The following SYNDIG1L variants were observed in gnomAD, a reference collection of about 807,000 sequenced individuals.
The protein encoded by SYNDIG1L is synapse differentiation inducing 1 like, also known as synapse differentiation-inducing gene protein 1-like.
SYNDIG1L carries 13 observed loss-of-function variants against 20.1 expected under a neutral mutation model. The ratio of observed to expected loss-of-function variants is 0.65; its 90% confidence interval spans 0.42 to 1.03. The LOEUF is 1.03. SYNDIG1L is among the 50% of genes least tolerant of loss of function. The pLI is 0.00. For missense variants in SYNDIG1L, 294 were observed against 305.1 expected (o/e 0.96, Z 0.27); for synonymous variants, 128 against 129.3 (o/e 0.99, Z 0.07).
chr14:74,418,772 T>C (rs1400374131), intron 1 of SYNDIG1L, among the ~76,000 whole-genome samples: 1 of 152,196 alleles, frequency 6.6e-6, no homozygotes, highest in Non-Finnish European at 1.5e-5. Flanking sequence ...ATAGATGCTC[T>C]CATCGATGGA....
chr14:74,427,894 G>C (rs894660822), upstream of SYNDIG1L, among the ~76,000 whole-genome samples: 1 of 152,210 alleles, frequency 6.6e-6, no homozygotes, highest in Admixed American at 6.5e-5. Flanking sequence ...ACTTGGCCTT[G>C]GCCTCCCTCT....
At chr14:74,424,236 C>T (rs907092340) in intron 1 of SYNDIG1L, among the ~76,000 whole-genome samples, 1 of 152,218 alleles carries the variant, frequency 6.6e-6, no homozygotes, top group African/African-American at 2.4e-5. Context: ...TCTAGCCCAA[C>T]TCTCTTCTTT....
At chr14:74,426,850 C>T (rs979648038), upstream of SYNDIG1L, among the ~76,000 whole-genome samples, 62 of 151,934 alleles carry the variant, frequency 4.1e-4, no homozygotes, top group African/African-American at 1.5e-3. Context: ...GCTCATGGAC[C>T]TAAGTTTTGG....
At chr14:74,425,233 C>T (rs191464413) in intron 1 of SYNDIG1L, among the ~76,000 whole-genome samples, 18 of 152,354 alleles carry the variant, frequency 1.2e-4, no homozygotes, top group Non-Finnish European at 1.6e-4. Flanking sequence ...GGGTCACCAG[C>T]ACATAATAGA....
At chr14:74,453,219 T>C in the SYNDIG1L span, among the ~76,000 whole-genome samples, 166 of 151,696 alleles carry the variant, frequency 1.1e-3, 1 homozygote, top group South Asian at 0.012. Flanking sequence ...TGGTGGCACA[T>C]GCCTGTAATC....
rs1027963348 is a variant in SYNDIG1L, at chr14:74,417,027, T to C, written c.-57-7226A>G. ...TAATGCCACTATGTATCAGCTACCA[T>C]TATTGGGTGCTTGTTTTGTTCTGAA... is the stretch of plus-strand genomic sequence containing the variant. On this transcript the variant is annotated intron_variant, in intron 1 of 3. Transcript: ENST00000331628. Among the ~76,000 whole-genome samples the C allele has an allele frequency of 2.6e-5, 4 of 152,292 alleles. No homozygotes were observed. In the East Asian group the frequency reaches 5.8e-4, roughly 22 times the overall value.
rs2086077274 is a variant in SYNDIG1L at position 74,406,151 on chromosome 14, T to A, written c.*1384A>T. 2.5e-6 allele frequency: 1 copy of A among 398,744 alleles called. No individual in the cohort carries two copies. Among genetic ancestry groups the A allele is most frequent in the African/African-American group, 2.1e-5 (1 of 48,598 alleles). The allele number at this position is 398,744 out of a possible 1,614,324, so 24.7% of individuals were successfully genotyped here. On this transcript the variant is annotated 3_prime_UTR_variant, in exon 4 of 4. Coordinates refer to ENST00000331628, the MANE Select transcript of SYNDIG1L (RefSeq NM_001105579.2). ...GCCCACATTGGTGCTGCCCCCCGCCTACCTGGAGATGTCTCTAAAATTCTG... is the reference window on the plus strand; with the variant it reads ...GCCCACATTGGTGCTGCCCCCCGCCAACCTGGAGATGTCTCTAAAATTCTG...
the SYNDIG1L span, chr14:74,479,211 A>G: frequency 6.6e-6 from 1 of 152,220 alleles, no homozygotes; most frequent in Non-Finnish European, 1.5e-5. Context: ...TTCCTGATCC[A>G]TCACTGTCCC....
chr14:74,456,575 T>C, the SYNDIG1L span, among the ~76,000 whole-genome samples: 1 of 151,728 alleles, frequency 6.6e-6, no homozygotes, highest in South Asian at 2.1e-4. Flanking sequence ...AAAATAAAGA[T>C]CCTTTTCAAT....
the SYNDIG1L span, among the ~76,000 whole-genome samples, chr14:74,455,421 A>C: frequency 7.2e-6 from 1 of 138,604 alleles, no homozygotes; most frequent in Non-Finnish European, 1.5e-5. Flanking sequence ...TTTGAGACAG[A>C]GTCTTGCCCT....
chr14:74,443,814 C>G, the SYNDIG1L span, among the ~76,000 whole-genome samples: 1 of 152,190 alleles, frequency 6.6e-6, no homozygotes, highest in Non-Finnish European at 1.5e-5. Context: ...TAAAGAAGGA[C>G]AGGCTGGCCA....
At chr14:74,437,555 T>A in the SYNDIG1L span, among the ~76,000 whole-genome samples, 1 of 152,130 alleles carries the variant, frequency 6.6e-6, no homozygotes, top group African/African-American at 2.4e-5. Flanking sequence ...CAGATTAGAA[T>A]GGCAAGGAAA....
upstream of SYNDIG1L, among the ~76,000 whole-genome samples, chr14:74,430,625 G>A (rs1469666651): frequency 1.3e-5 from 2 of 152,120 alleles, no homozygotes; most frequent in Non-Finnish European, 2.9e-5. Context: ...TAGTAGAGAT[G>A]GGGTTCACCA....
At chr14:74,441,098 A>G in the SYNDIG1L span, among the ~76,000 whole-genome samples, 1 of 152,258 alleles carries the variant, frequency 6.6e-6, no homozygotes, top group African/African-American at 2.4e-5. Context: ...TTATGGTTCA[A>G]GTCAGAAGCA....
chr14:74,457,210 G>A, the SYNDIG1L span, among the ~76,000 whole-genome samples: 1 of 151,954 alleles, frequency 6.6e-6, no homozygotes, highest in Admixed American at 6.6e-5. Flanking sequence ...GCTCCACAAG[G>A]CGTCACCCCA....
At chr14:74,446,347 A>T in the SYNDIG1L span, among the ~76,000 whole-genome samples, 2 of 152,220 alleles carry the variant, frequency 1.3e-5, no homozygotes, top group Non-Finnish European at 2.9e-5. Flanking sequence ...TTTCTAAAAT[A>T]AGCACCAAAA....
chr14:74,469,702 T>G, the SYNDIG1L span, among the ~76,000 whole-genome samples: 1,545 of 152,322 alleles, frequency 0.01, 37 homozygotes, highest in African/African-American at 0.036. Context: ...GGGCTACTTA[T>G]GCTCACAGAC....
At chr14:74,469,654 T>C in the SYNDIG1L span, among the ~76,000 whole-genome samples, 417 of 152,220 alleles carry the variant, frequency 2.7e-3, 1 homozygote, top group African/African-American at 9.8e-3. Context: ...TTTTGATTGT[T>C]TGTGTTCCCT....
chr14:74,456,528 T>TCAAAA, the SYNDIG1L span, among the ~76,000 whole-genome samples: 1 of 152,038 alleles, frequency 6.6e-6, no homozygotes, highest in African/African-American at 2.4e-5. Context: ...AAACTCCATC[T>TCAAAA]CAAAACAAAA....
Sources: gnomAD v4.1 joint callset for allele counts (sites outside exome capture counted in the v4.1 genomes callset) on GRCh38, gnomAD v4.1.1 for gene constraint, MANE v1.5 for transcripts, NCBI Gene and HGNC (gene_info 2026-07-23, HGNC 2026-07-21) for gene names.